Variants in SPIRE1 observed in about 807,000 individuals in gnomAD.
SPIRE1 encodes protein spire homolog 1.
Under a neutral mutation model 94.1 loss-of-function variants are expected in SPIRE1, and 40 were observed. The ratio of observed to expected loss-of-function variants is 0.43; its 90% CI spans 0.33 to 0.55. SPIRE1 has a LOEUF of 0.55. Among genes scored for constraint, SPIRE1 ranks in the 20% least tolerant of loss-of-function variants. The probability of loss-of-function intolerance (pLI) is 0.06; values close to 1 mark genes in which losing one functional copy is unlikely to be tolerated. For missense variants in SPIRE1, 838 were observed against 975.2 expected, an observed-to-expected ratio of 0.86 and a Z score of 1.87; for synonymous variants, 376 against 371.7, an observed-to-expected ratio of 1.01 and a Z score of -0.13.
intron 2 of SPIRE1, among the ~76,000 whole-genome samples, chr18:12,618,381 A>T (rs1263002008): frequency 6.6e-6 from 1 of 151,954 alleles, no homozygotes; most frequent in Non-Finnish European, 1.5e-5. Context: ...ATTACAGGCG[A>T]GAGCCACCGC....
rs1436882481 is a variant in SPIRE1, at chr18:12,559,497, G to A, written c.373-12593C>T. Among the ~76,000 whole-genome samples, 2 of 152,220 alleles carry A rather than the reference G, an allele frequency of 1.3e-5. No homozygotes were observed. The highest frequency in any genetic ancestry group is 3.9e-4 in the East Asian group (2 of 5,190). On this transcript the variant is annotated intron_variant, in intron 2 of 16. Transcript: ENST00000409402. The surrounding 1 kb of genome is among the most constrained non-coding windows in gnomAD (Gnocchi z 4.7). ...CCACACCTCCCTGCAAGCAGAGGGA[G>A]CCGGCTCCGGCTTTGGCCAGCCCAG...
At position 12,454,327 on chromosome 18, in the gene SPIRE1, C is replaced by T. The variant is rs757616635; in HGVS notation, c.1776+19G>A. On this transcript the variant is annotated intron_variant, in intron 13 of 16. Coordinates refer to ENST00000409402, the MANE Select transcript of SPIRE1 (RefSeq NM_001128626.2). ...CCATCCTTCTACTCTTCTGATCAAT[C>T]AACTTTAAACAGCACTACCTTTCCT... 1.9e-6 allele frequency: 3 copies of T among 1,612,580 alleles called. No individual in the cohort carries two copies. Among genetic ancestry groups the T allele is most frequent in the Non-Finnish European group, 2.5e-6 (3 of 1,179,128 alleles).
chr18:12,633,334 G>C (rs1362155694), intron 2 of SPIRE1, among the ~76,000 whole-genome samples: 2 of 152,106 alleles, frequency 1.3e-5, no homozygotes, highest in Non-Finnish European at 2.9e-5. Flanking sequence ...GGGCACAGTG[G>C]CTCACGCCTG....
intron 2 of SPIRE1, among the ~76,000 whole-genome samples, chr18:12,596,696 C>T (rs2036679890): frequency 1.3e-5 from 2 of 151,676 alleles, no homozygotes; most frequent in South Asian, 2.1e-4. Context: ...ATGGTTAATC[C>T]TAATATTTAA....
chr18:12,596,960 T>TGCACTGTCCTGCTAACCCCCTTCC (rs1206746035), intron 2 of SPIRE1, among the ~76,000 whole-genome samples: 20 of 151,776 alleles, frequency 1.3e-4, no homozygotes, highest in African/African-American at 2.7e-4. Flanking sequence ...CTCCTCCACC[T>TGCACTGTCCTGCTAACCCCCTTCC]TAAGAATGAG....
intron 2 of SPIRE1, among the ~76,000 whole-genome samples, chr18:12,626,071 C>T (rs1428579852): frequency 1.4e-5 from 2 of 145,508 alleles, no homozygotes; most frequent in Non-Finnish European, 3.0e-5. Context: ...AAATACAAAT[C>T]TAATTGTCAC....
chr18:12,630,477 G>A (rs886463689), intron 2 of SPIRE1, among the ~76,000 whole-genome samples: 5 of 152,140 alleles, frequency 3.3e-5, no homozygotes, highest in East Asian at 1.9e-4. Flanking sequence ...TCGCCAACAC[G>A]GCAAAACTCC....
At chr18:12,506,786 G>T in intron 5 of SPIRE1, 145 bp from the exon 6 acceptor site, 1 of 828,488 alleles carries the variant, frequency 1.2e-6, no homozygotes, top group Non-Finnish European at 1.9e-6. Flanking sequence ...TAGATTTTGG[G>T]TACTAAAAGA....
chr18:12,659,118 G>A (rs922389520), upstream of SPIRE1, among the ~76,000 whole-genome samples: 1 of 152,184 alleles, frequency 6.6e-6, no homozygotes, highest in Non-Finnish European at 1.5e-5. Context: ...ATTCCACTGA[G>A]GCTAGTCCTG....
chr18:12,626,197 C>G (rs56392324), intron 2 of SPIRE1, among the ~76,000 whole-genome samples: 21,441 of 152,110 alleles, frequency 0.14, 1,785 homozygotes, highest in African/African-American at 0.2. Flanking sequence ...CATTTACAGC[C>G]TTTAGTAGTT....
intron 2 of SPIRE1, among the ~76,000 whole-genome samples, chr18:12,615,344 A>AT (rs1205534438): frequency 5.2e-4 from 32 of 61,628 alleles, no homozygotes; most frequent in Non-Finnish European, 1.2e-3. Context: ...AAAAAAAAAA[A>AT]AATATATATA....
chr18:12,547,611 T>C (rs887209947), intron 2 of SPIRE1, among the ~76,000 whole-genome samples: 10 of 152,308 alleles, frequency 6.6e-5, no homozygotes, highest in Admixed American at 3.9e-4. Context: ...TTTAATTTTA[T>C]TGTTCTCTCT....
intron 2 of SPIRE1, among the ~76,000 whole-genome samples, chr18:12,566,665 A>G (rs2035827962): frequency 6.6e-6 from 1 of 152,156 alleles, no homozygotes; most frequent in Non-Finnish European, 1.5e-5. Flanking sequence ...TAGAAATTCT[A>G]GGGAAACCAA....
At chr18:12,630,234 C>T (rs986537918) in intron 2 of SPIRE1, among the ~76,000 whole-genome samples, 1 of 152,214 alleles carries the variant, frequency 6.6e-6, no homozygotes, top group African/African-American at 2.4e-5. Flanking sequence ...AGATTTTGTT[C>T]TCCCTGGGAG....
At chr18:12,468,749 A>C (rs1436479978) in intron 10 of SPIRE1, among the ~76,000 whole-genome samples, 1 of 152,142 alleles carries the variant, frequency 6.6e-6, no homozygotes, top group Non-Finnish European at 1.5e-5. Flanking sequence ...CCAGTTCAAA[A>C]ATGTAAATCA....
chr18:12,552,026 C>G (rs2144322900), intron 2 of SPIRE1, among the ~76,000 whole-genome samples: 1 of 152,340 alleles, frequency 6.6e-6, no homozygotes, highest in South Asian at 2.1e-4. Flanking sequence ...CAGTGCTGTC[C>G]TGTCACAGGG....
intron 2 of SPIRE1, among the ~76,000 whole-genome samples, chr18:12,626,886 A>ATTTTTT (rs1194431610): frequency 8.9e-6 from 1 of 111,894 alleles, no homozygotes; most frequent in Non-Finnish European, 1.9e-5. Flanking sequence ...ATATATATAT[A>ATTTTTT]TTTTTTTTTT....
chr18:12,483,622 TG>T (rs2032924347), intron 9 of SPIRE1, among the ~76,000 whole-genome samples: 1 of 152,146 alleles, frequency 6.6e-6, no homozygotes, highest in Non-Finnish European at 1.5e-5. Context: ...TTACCATAAG[TG>T]ATGTTGAATA....
At chr18:12,529,140 C>G (rs942458621) in intron 4 of SPIRE1, among the ~76,000 whole-genome samples, 4 of 152,216 alleles carry the variant, frequency 2.6e-5, no homozygotes, top group Admixed American at 2.6e-4. Context: ...GAGGCCGAGG[C>G]GGGCGGACCA....
Sources: gnomAD v4.1 joint callset for allele counts (sites outside exome capture counted in the v4.1 genomes callset) on GRCh38, gnomAD v4.1.1 for gene constraint, Gnocchi (gnomAD v3.1) non-coding constraint, MANE v1.5 for transcripts, NCBI Gene and HGNC (gene_info 2026-07-23, HGNC 2026-07-21) for gene names.